Variants in SDK1 observed in about 807,000 individuals in gnomAD.
SDK1 encodes sidekick cell adhesion molecule 1.
In SDK1, 157 loss-of-function variants were observed where a neutral mutation model predicts 245.5. The observed-to-expected ratio is 0.64, with a 90% CI of 0.56 to 0.73. SDK1 has a LOEUF of 0.73. Among genes scored for constraint, SDK1 ranks in the 30% least tolerant of loss-of-function variants. SDK1 has a pLI of 0.00. For missense variants in SDK1, 3,583 were observed against 3,002.3 expected, an observed-to-expected ratio of 1.19 and a Z score of -4.52; for synonymous variants, 1,647 against 1,278.5, an observed-to-expected ratio of 1.29 and a Z score of -6.15.
intron 1 of SDK1, among the ~76,000 whole-genome samples, chr7:3,527,216 T>A (rs1171777911): frequency 1.3e-5 from 2 of 152,212 alleles, no homozygotes; most frequent in Non-Finnish European, 2.9e-5. Context: ...TGAGGCATTG[T>A]TGTAAGCAAT....
At position 3,904,789 on chromosome 7, in the gene SDK1, C is replaced by G. The variant is rs555243840; in HGVS notation, c.848-46134C>G. On this transcript the variant is annotated intron_variant, in intron 5 of 44. Transcript: ENST00000404826. The stretch of plus-strand genomic sequence containing the variant: ...AGGGGGGATCACAAGGTCAGGAGAT[C>G]GAGACCATCCTGGAGAACACAATAG... Among the ~76,000 whole-genome samples, 199 of 152,100 alleles carry G rather than the reference C, an allele frequency of 1.3e-3. 1 individual carries two copies. Among genetic ancestry groups the G allele is most frequent in the African/African-American group, 4.3e-3 (179 of 41,492 alleles).
At chr7:4,086,094 C>T (rs901829825) in intron 22 of SDK1, among the ~76,000 whole-genome samples, 3 of 152,034 alleles carry the variant, frequency 2.0e-5, no homozygotes, top group African/African-American at 7.2e-5. Flanking sequence ...ATGTGTACTT[C>T]CTCTTTCTTC....
At chr7:3,498,353 GTTTC>G (rs1355642292) in intron 1 of SDK1, among the ~76,000 whole-genome samples, 1 of 152,134 alleles carries the variant, frequency 6.6e-6, no homozygotes, top group Non-Finnish European at 1.5e-5. Flanking sequence ...TTTTAGGCTA[GTTTC>G]TTTATTTACC....
At chr7:3,359,347 G>T (rs1457581555) in intron 1 of SDK1, among the ~76,000 whole-genome samples, 1 of 152,174 alleles carries the variant, frequency 6.6e-6, no homozygotes, top group Non-Finnish European at 1.5e-5. Context: ...CACTTGCATA[G>T]TGAATACATT....
chr7:3,849,384 G>T (rs1030972553), intron 5 of SDK1, among the ~76,000 whole-genome samples: 13 of 152,146 alleles, frequency 8.5e-5, no homozygotes, highest in African/African-American at 2.7e-4. Context: ...CTTGAGTAGT[G>T]CAAAGCCCAG....
At chr7:4,203,769 C>T (rs1211157204) in intron 35 of SDK1, among the ~76,000 whole-genome samples, 11 of 152,206 alleles carry the variant, frequency 7.2e-5, no homozygotes, top group Non-Finnish European at 1.2e-4. Context: ...GTCTCCAAAC[C>T]GACACGCTTT....
In SDK1 at chr7:3,953,088, A is replaced by G. The variant is rs1780960320; in HGVS notation, c.1150+1168A>G. Among the ~76,000 whole-genome samples the G allele has an allele frequency of 2.0e-5, 3 of 151,940 alleles. No homozygotes were observed. The South Asian group carries it at 6.2e-4, about 32-fold the overall frequency. The stretch of plus-strand genomic sequence containing the variant: ...TCCTCTTTGGGAAAAAGGGGAATTG[A>G]GAACAGGAAAATTCAAATAAGAAAA... On this transcript the variant is annotated intron_variant, in intron 7 of 44. Transcript: ENST00000404826.
At chr7:3,655,747 G>T (rs1237432332) in intron 4 of SDK1, among the ~76,000 whole-genome samples, 1 of 151,818 alleles carries the variant, frequency 6.6e-6, no homozygotes, top group East Asian at 1.9e-4. Context: ...ATAGCACATG[G>T]TTTGTTCTGG....
chr7:3,980,704 G>T lies in SDK1; in HGVS notation c.1994+6159G>T, dbSNP rs538921734. Among the ~76,000 whole-genome samples, 76 of 152,286 alleles carry T rather than the reference G, an allele frequency of 5.0e-4. 1 individual carries two copies. The highest frequency in any genetic ancestry group is 1.4e-3 in the African/African-American group (60 of 41,560). On this transcript the variant is annotated intron_variant, in intron 13 of 44. Coordinates refer to ENST00000404826, the MANE Select transcript of SDK1 (RefSeq NM_152744.4). Reference sequence around the variant, plus strand: ...CACGCCTGTAATCGCAGCACTTTGGGAGGCCGAGGCAGGTAGATCACGAGG... The same window carrying T: ...CACGCCTGTAATCGCAGCACTTTGGTAGGCCGAGGCAGGTAGATCACGAGG...
At chr7:3,463,344 A>G (rs910020669) in intron 1 of SDK1, among the ~76,000 whole-genome samples, 1 of 151,396 alleles carries the variant, frequency 6.6e-6, no homozygotes, top group Non-Finnish European at 1.5e-5. Context: ...TAGGACTCAC[A>G]TATTCATGAA....
intron 5 of SDK1, among the ~76,000 whole-genome samples, chr7:3,933,178 A>G (rs1780042023): frequency 7.9e-6 from 1 of 126,376 alleles, no homozygotes; most frequent in South Asian, 2.4e-4. Flanking sequence ...TGGCTTGATC[A>G]TAGCTCACTA....
At chr7:4,037,060 AATG>A (rs941969962) in intron 17 of SDK1, among the ~76,000 whole-genome samples, 2 of 152,190 alleles carry the variant, frequency 1.3e-5, no homozygotes, top group Non-Finnish European at 2.9e-5. Context: ...AAGTAATAAC[AATG>A]ATGATGATAA....
Position 3,524,579 on chromosome 7 carries a change from TAAAGG to T in SDK1, c.299-94499_299-94495del, listed in dbSNP as rs1257583515. ...GTACACTTGTACATGTACCTGTAAATAAAGGAGAGAAAGAACAGACAAAGGATAAC... is the reference window on the plus strand; with the variant it reads ...GTACACTTGTACATGTACCTGTAAATAGAGAAAGAACAGACAAAGGATAAC... On this transcript the variant is annotated intron_variant, in intron 1 of 44. Transcript: ENST00000404826. 3.3e-5 allele frequency among the ~76,000 whole-genome samples: 5 copies of T among 152,038 alleles called. No homozygotes were observed. The East Asian group carries it at 7.7e-4, about 23-fold the overall frequency.
At chr7:3,385,475 A>G (rs1341189879) in intron 1 of SDK1, among the ~76,000 whole-genome samples, 3 of 152,024 alleles carry the variant, frequency 2.0e-5, no homozygotes. Flanking sequence ...TTTTTTTTCT[A>G]CTGTTTAAAA....
intron 4 of SDK1, among the ~76,000 whole-genome samples, chr7:3,727,514 G>A (rs1049155695): frequency 1.3e-5 from 2 of 151,586 alleles, no homozygotes; most frequent in African/African-American, 2.4e-5. Context: ...TTTTTGAGAC[G>A]GAGCCTCGCT....
chr7:4,060,337 C>A (rs1779458447), intron 19 of SDK1, among the ~76,000 whole-genome samples: 1 of 152,020 alleles, frequency 6.6e-6, no homozygotes, highest in African/African-American at 2.4e-5. Flanking sequence ...ACAAACCAAA[C>A]CCAAAATTAG....
rs1562412775 is a variant in SDK1, at chr7:3,321,815, TCC to T, written c.298+19932_298+19933del. The stretch of plus-strand genomic sequence containing the variant: ...TTCCTTCCTTCCTTCCTTCCTTCCT[TCC>T]TTCCTTCCTTCCTCCTTTTCTCTCT... On this transcript the variant is annotated intron_variant, in intron 1 of 44. Transcript: ENST00000404826. Among the ~76,000 whole-genome samples the T allele has an allele frequency of 1.4e-3, 177 of 122,540 alleles. 5 individuals are homozygous for T. Among genetic ancestry groups the T allele is most frequent in the South Asian group, 0.01 (34 of 3,382 alleles). The allele number at this position is 122,540 out of a possible 152,430, so 80.4% of individuals were successfully genotyped here. A position where few individuals can be genotyped will look rare whatever the true frequency, so the allele number is the denominator to read the frequency against.
chr7:3,674,584 T>C (rs1783830306), intron 4 of SDK1, among the ~76,000 whole-genome samples: 1 of 152,162 alleles, frequency 6.6e-6, no homozygotes. Context: ...GTTTGGGGAT[T>C]CATATACAGG....
intron 1 of SDK1, among the ~76,000 whole-genome samples, chr7:3,610,295 G>A (rs1265468069): frequency 6.6e-6 from 1 of 152,084 alleles, no homozygotes; most frequent in Non-Finnish European, 1.5e-5. Context: ...TCTTTTCTTG[G>A]ACCTTTCAGT....
Sources: gnomAD v4.1 joint callset for allele counts (sites outside exome capture counted in the v4.1 genomes callset) on GRCh38, gnomAD v4.1.1 for gene constraint, MANE v1.5 for transcripts, NCBI Gene and HGNC (gene_info 2026-07-23, HGNC 2026-07-21) for gene names.